The following CDR2 variants were observed in gnomAD, a reference collection of about 807,000 sequenced individuals.
CDR2 encodes the protein cerebellar degeneration-related protein 2.
A neutral mutation model predicts 48.4 loss-of-function variants in CDR2; 34 were observed. The observed-to-expected ratio is 0.70, with a 90% CI of 0.53 to 0.94. The LOEUF (loss-of-function observed/expected upper bound fraction) is 0.94. Ranked by LOEUF, CDR2 falls within the 40% of genes least tolerant of loss-of-function variation. The pLI, the probability that CDR2 is intolerant of heterozygous loss-of-function variation, is 0.00. For synonymous variants in CDR2, 240 were observed against 219.7 expected (o/e 1.09, Z -0.82); for missense variants, 498 against 549.5 (o/e 0.91, Z 0.94).
intron 1 of CDR2, among the ~76,000 whole-genome samples, chr16:22,371,369 A>G (rs956375152): frequency 5.3e-5 from 8 of 152,352 alleles, no homozygotes; most frequent in Admixed American, 3.9e-4. Flanking sequence ...AACTTAATTC[A>G]GCAGCAAGTG....
At chr16:22,364,185 T>C (rs1023965991) in intron 2 of CDR2, among the ~76,000 whole-genome samples, 5 of 152,254 alleles carry the variant, frequency 3.3e-5, no homozygotes, top group African/African-American at 7.2e-5. Flanking sequence ...TTGGGCAATC[T>C]GTCTCCCTCG....
At chr16:22,359,361 G>A (rs1010150030) in intron 2 of CDR2, among the ~76,000 whole-genome samples, 2 of 152,018 alleles carry the variant, frequency 1.3e-5, no homozygotes, top group East Asian at 1.9e-4. Flanking sequence ...TCCTGACCTC[G>A]TGATCTACCT....
Position 22,347,478 on chromosome 16 carries a change from T to C in CDR2, c.852A>G (p.Lys284=). ...LVPDSLYVPF[K]EPSQSLLEEM... ...CTTCCAGCAGGCTCTGGCTGGGCTC[T>C]TTGAAAGGAACATACAGAGAGTCTG... The change falls in exon 5 of 5, where the codon AAA becomes AAG. Residue 284 remains lysine (K), a synonymous_variant. Transcript: ENST00000268383. 6.2e-7 allele frequency: 1 copy of C among 1,614,090 alleles called. No individual in the cohort carries two copies. The highest frequency in any genetic ancestry group is 8.5e-7 in the Non-Finnish European group (1 of 1,180,020).
At chr16:22,369,455 C>G (rs2049062954) in intron 1 of CDR2, among the ~76,000 whole-genome samples, 1 of 152,174 alleles carries the variant, frequency 6.6e-6, no homozygotes, top group South Asian at 2.1e-4. Flanking sequence ...ATACCAAGGA[C>G]AGCACTCTTT....
intron 2 of CDR2, among the ~76,000 whole-genome samples, chr16:22,361,896 ACTT>A (rs1384333418): frequency 9.3e-6 from 1 of 108,086 alleles, no homozygotes; most frequent in Non-Finnish European, 1.9e-5. Flanking sequence ...TGAATTTTAT[ACTT>A]TTTTTTTTTT....
chr16:22,371,659 T>C (rs930066926), intron 1 of CDR2, among the ~76,000 whole-genome samples: 1 of 152,242 alleles, frequency 6.6e-6, no homozygotes, highest in Non-Finnish European at 1.5e-5. Flanking sequence ...GGATACCCTT[T>C]TATTCACACT....
At position 22,368,205 on chromosome 16, in the gene CDR2, ATTAT is replaced by A. The variant is rs772714519; in HGVS notation, c.80-3195_80-3192del. Among the ~76,000 whole-genome samples the A allele has an allele frequency of 1.8e-3, 277 of 152,214 alleles. 1 individual carries two copies. The highest frequency in any genetic ancestry group is 3.4e-3 in the Non-Finnish European group (229 of 68,004). ...AAGAGACATTAGTCTTTTTCTTGTC[ATTAT>A]TTATTTATTTTTTTTGAGATGGAGT... On this transcript the variant is annotated intron_variant, in intron 1 of 4. Transcript: ENST00000268383.
In CDR2 at chr16:22,346,656, C is replaced by T. The variant is rs991581046; in HGVS notation, c.*309G>A. On this transcript the variant is annotated 3_prime_UTR_variant, in exon 5 of 5. Transcript: ENST00000268383. ...ACCCTTTTCCCCCATACTGTAGTAACTCCAGGCCTACTTCTCCAGAAGTAT... is the reference window on the plus strand; with the variant it reads ...ACCCTTTTCCCCCATACTGTAGTAATTCCAGGCCTACTTCTCCAGAAGTAT... The T allele has an allele frequency of 2.9e-6, 1 of 350,698 alleles. No homozygotes were observed. The highest frequency in any genetic ancestry group is 2.1e-5 in the African/African-American group (1 of 48,732). The allele number at this position is 350,698 out of a possible 1,614,324, so 21.7% of individuals were successfully genotyped here. A position where few individuals can be genotyped will look rare whatever the true frequency, so the allele number is the denominator to read the frequency against.
intron 2 of CDR2, among the ~76,000 whole-genome samples, chr16:22,364,061 C>T (rs1331649511): frequency 6.6e-6 from 1 of 152,112 alleles, no homozygotes; most frequent in African/African-American, 2.4e-5. Flanking sequence ...ACCTCTGTCT[C>T]CCAAGTAAGC....
At chr16:22,365,859 A>G (rs1452638019) in intron 1 of CDR2, among the ~76,000 whole-genome samples, 1 of 152,192 alleles carries the variant, frequency 6.6e-6, no homozygotes, top group Non-Finnish European at 1.5e-5. Context: ...ACAGTGGGAA[A>G]TGCACTGCAC....
chr16:22,370,972 G>A (rs1488435062), intron 1 of CDR2, among the ~76,000 whole-genome samples: 1 of 152,190 alleles, frequency 6.6e-6, no homozygotes, highest in East Asian at 1.9e-4. Flanking sequence ...CAGCACTTTG[G>A]GAGGCCGAGG....
At chr16:22,350,403 G>A (rs1418224468) in intron 2 of CDR2, among the ~76,000 whole-genome samples, 1 of 152,094 alleles carries the variant, frequency 6.6e-6, no homozygotes, top group Non-Finnish European at 1.5e-5. Context: ...GGCCATTGGT[G>A]ACTGAACTCA....
intron 2 of CDR2, among the ~76,000 whole-genome samples, chr16:22,350,742 C>T (rs1287076427): frequency 6.6e-6 from 1 of 152,092 alleles, no homozygotes; most frequent in Non-Finnish European, 1.5e-5. Flanking sequence ...AAAGCATATA[C>T]CATGCATAAA....
intron 1 of CDR2, among the ~76,000 whole-genome samples, chr16:22,373,578 T>C (rs2049093428): frequency 6.6e-6 from 1 of 152,230 alleles, no homozygotes; most frequent in South Asian, 2.1e-4. Flanking sequence ...AACAAAAGTG[T>C]GTAATTGGAT....
rs1158785748 is a variant in CDR2, at chr16:22,351,095, G to A, written c.193-1246C>T. ...ATCTCGTTGTTCAATTCCCACCTAT[G>A]AGTGAGAACATGCAGTGTTTGGTTT... is the stretch of plus-strand genomic sequence containing the variant. On this transcript the variant is annotated intron_variant, in intron 2 of 4. Coordinates refer to ENST00000268383, the MANE Select transcript of CDR2 (RefSeq NM_001802.2). 4.6e-5 allele frequency among the ~76,000 whole-genome samples: 7 copies of A among 152,290 alleles called. No individual in the cohort carries two copies. The East Asian group carries it at 7.7e-4, about 17-fold the overall frequency.
rs557635795 is a variant in CDR2 at position 22,346,868 on chromosome 16, T to C, written c.*97A>G. The C allele has an allele frequency of 1.7e-5, 23 of 1,322,982 alleles. No homozygotes were observed. The South Asian group carries it at 2.5e-4, about 15-fold the overall frequency. The allele number at this position is 1,322,982 out of a possible 1,614,324, so 82.0% of individuals were successfully genotyped here. A position where few individuals can be genotyped will look rare whatever the true frequency, so the allele number is the denominator to read the frequency against. ...AAGCAAAGCAATGAGGCAAACGTCATGAGTAACATTAGGCTTCAGAGTCTA... is the reference window on the plus strand; with the variant it reads ...AAGCAAAGCAATGAGGCAAACGTCACGAGTAACATTAGGCTTCAGAGTCTA... On this transcript the variant is annotated 3_prime_UTR_variant, in exon 5 of 5. Transcript: ENST00000268383.
At chr16:22,359,590 CCTA>C (rs1453135888) in intron 2 of CDR2, among the ~76,000 whole-genome samples, 2 of 152,290 alleles carry the variant, frequency 1.3e-5, no homozygotes, top group East Asian at 3.9e-4. Flanking sequence ...TCAGAAAACT[CCTA>C]CACCAAAGCA....
rs545683003 is a variant in CDR2, at chr16:22,374,223, G to A, written c.79+8C>T. 2 of 1,581,450 alleles carry A rather than the reference G, an allele frequency of 1.3e-6. No homozygotes were observed. Among genetic ancestry groups the A allele is most frequent in the South Asian group, 1.1e-5 (1 of 88,464 alleles). On this transcript the variant is annotated splice_region_variant and intron_variant, in intron 1 of 4. Coordinates refer to ENST00000268383, the MANE Select transcript of CDR2 (RefSeq NM_001802.2). ...CGCCGCCCGCCCGCGGGGCGCCCCCGCCCTCACCTTGCTGGAGGTCCTGGT... is the reference window on the plus strand; with the variant it reads ...CGCCGCCCGCCCGCGGGGCGCCCCCACCCTCACCTTGCTGGAGGTCCTGGT...
At chr16:22,357,790 C>T (rs767600666) in intron 2 of CDR2, among the ~76,000 whole-genome samples, 6 of 152,094 alleles carry the variant, frequency 3.9e-5, no homozygotes, top group Non-Finnish European at 7.4e-5. Flanking sequence ...TACAAACAGG[C>T]CATTTAAGAA....
Sources: allele counts gnomAD v4.1 joint callset (sites outside exome capture counted in the v4.1 genomes callset), GRCh38; gene constraint gnomAD v4.1.1; transcripts MANE v1.5; gene names NCBI Gene and HGNC (gene_info 2026-07-23, HGNC 2026-07-21).